Variants in C11orf71 observed in about 807,000 individuals in gnomAD.
C11orf71 encodes the protein uncharacterized protein C11orf71.
For missense variants in C11orf71, 179 were observed against 167.6 expected, an observed-to-expected ratio of 1.07 and a Z score of -0.38; for synonymous variants, 72 against 73.4, an observed-to-expected ratio of 0.98 and a Z score of 0.09.
At chr11:114,395,112 T>C (rs138627393), downstream of C11orf71, among the ~76,000 whole-genome samples, 13 of 152,192 alleles carry the variant, frequency 8.5e-5, no homozygotes, top group African/African-American at 3.1e-4. Context: ...AATTTAGACA[T>C]GTTGCCTACC....
At chr11:114,392,547 A>AAAAAAAAAG (rs1555023952) in intron 1 of C11orf71, among the ~76,000 whole-genome samples, 5 of 145,110 alleles carry the variant, frequency 3.4e-5, no homozygotes, top group Non-Finnish European at 3.0e-5. Flanking sequence ...AAAAAAAAAA[A>AAAAAAAAAG]AAAGAAGAAG....
At position 114,391,592 on chromosome 11, in the gene C11orf71, T is replaced by C. The variant is rs1267112179; in HGVS notation, c.417A>G (p.Ser139=). 2.0e-6 allele frequency: 3 copies of C among 1,534,010 alleles called. No individual in the cohort carries two copies. In the South Asian group the frequency reaches 3.8e-5, roughly 19 times the overall value. ...ATATTACTAAAATTTCAAAAATATT[T>C]GAATGGCTGCATGTTGAACACCATC... The change falls in exon 2 of 2, where the codon TCA becomes TCG. Residue 139 remains serine (S), a synonymous_variant. Coordinates refer to the C11orf71 transcript ENST00000325636.
downstream of C11orf71, among the ~76,000 whole-genome samples, chr11:114,394,269 T>C (rs1264492782): frequency 6.2e-3 from 466 of 75,320 alleles, 25 homozygotes; most frequent in African/African-American, 0.036. Context: ...TTTCTTTTCT[T>C]TTCTTTTCTT....
At chr11:114,394,269 T>TTTC (rs1343654260), downstream of C11orf71, among the ~76,000 whole-genome samples, 1,961 of 75,176 alleles carry the variant, frequency 0.026, 113 homozygotes, top group Non-Finnish European at 0.033. Context: ...TTTCTTTTCT[T>TTTC]TTCTTTTCTT....
In C11orf71 at chr11:114,400,282, A is replaced by C; in HGVS notation, c.50T>G (p.Val17Gly). The C allele has an allele frequency of 6.2e-7, 1 of 1,610,288 alleles. No homozygotes were observed. Among genetic ancestry groups the C allele is most frequent in the Non-Finnish European group, 8.5e-7 (1 of 1,178,384 alleles). The part of the protein sequence containing the change: ...SLSSGDQRSR[V>G]AYRSSHGDLR... ...GTCGCCATGGGAAGAGCGGTAGGCC[A>C]CCCTGCTCCTCTGATCACCGGAGGA... is the stretch of plus-strand genomic sequence containing the variant. The change falls in exon 1 of 1, where the codon GTG (valine) becomes GGG (glycine). Residue 17 changes from valine (V) to glycine (G), a missense_variant. Physicochemically the swap from Val to Gly is moderately radical, Grantham distance 109. Transcript: ENST00000623205.
In C11orf71 at chr11:114,400,387, C is replaced by T. The variant is rs1946177902; in HGVS notation, c.-56G>A. ...CGTCCCTTTGTGAAGGCAGGCCCTT[C>T]GCGGCTCCCCAGATCAGTCCAGCCT... On this transcript the variant is annotated 5_prime_UTR_variant, in exon 1 of 1. Coordinates refer to ENST00000623205, the MANE Select transcript of C11orf71 (RefSeq NM_001271562.2). 5 of 1,527,550 alleles carry T rather than the reference C, an allele frequency of 3.3e-6. No homozygotes were observed. Among genetic ancestry groups the T allele is most frequent in the Middle Eastern group, 2.0e-4 (1 of 4,886 alleles). The allele number at this position is 1,527,550 out of a possible 1,614,324, so 94.6% of individuals were successfully genotyped here.
At chr11:114,394,724 T>A (rs1384601776), downstream of C11orf71, among the ~76,000 whole-genome samples, 2 of 152,120 alleles carry the variant, frequency 1.3e-5, no homozygotes, top group East Asian at 1.9e-4. Flanking sequence ...TGACTTTTTT[T>A]AATCCATCAT....
At chr11:114,395,207 T>TG (rs1555024350), downstream of C11orf71, among the ~76,000 whole-genome samples, 3 of 149,340 alleles carry the variant, frequency 2.0e-5, no homozygotes, top group Non-Finnish European at 4.4e-5. Flanking sequence ...CCCAAATACT[T>TG]GAACACAGAG....
chr11:114,395,233 T>C (rs1345465502), downstream of C11orf71, among the ~76,000 whole-genome samples: 1 of 152,226 alleles, frequency 6.6e-6, no homozygotes, highest in African/African-American at 2.4e-5. Flanking sequence ...AGGTGCCCTC[T>C]GCCTTCCCAG....
intron 1 of C11orf71, among the ~76,000 whole-genome samples, chr11:114,392,656 A>C (rs1946082324): frequency 6.6e-6 from 1 of 151,700 alleles, no homozygotes. Flanking sequence ...GCCTGAGCCC[A>C]AAAAGCCAAG....
intron 1 of C11orf71, among the ~76,000 whole-genome samples, chr11:114,393,386 T>C (rs1357945774): frequency 6.6e-6 from 1 of 152,232 alleles, no homozygotes; most frequent in Non-Finnish European, 1.5e-5. Context: ...AACTCTGCAA[T>C]TGAGGAGCTT....
At position 114,400,477 on chromosome 11, in the gene C11orf71, G is replaced by T. The variant is rs969814596; in HGVS notation, c.-146C>A. On this transcript the variant is annotated 5_prime_UTR_variant, in exon 1 of 1. Transcript: ENST00000623205. ...TGAGCCTGCGGAAGAGCCAGAAGCC[G>T]CCTTGCCTTTAACGAGGGGTATCCT... The T allele has an allele frequency of 3.8e-6, 5 of 1,300,392 alleles. No individual in the cohort carries two copies. The highest frequency in any genetic ancestry group is 5.2e-6 in the Non-Finnish European group (5 of 962,356). The allele number at this position is 1,300,392 out of a possible 1,614,324, so 80.6% of individuals were successfully genotyped here.
rs983104177 is a variant in C11orf71 at position 114,399,074 on chromosome 11, C to A, written c.*886G>T. On this transcript the variant is annotated 3_prime_UTR_variant, in exon 1 of 1. Coordinates refer to ENST00000623205, the MANE Select transcript of C11orf71 (RefSeq NM_001271562.2). ...GATGAAAAAAAAAAAAAAAAAGTCA[C>A]TGCAACCAGTACTTATGTTTATTAC... 4 of 149,086 alleles carry A rather than the reference C, an allele frequency of 2.7e-5. No individual in the cohort carries two copies. Among genetic ancestry groups the A allele is most frequent in the Admixed American group, 1.3e-4 (2 of 14,978 alleles). 9.2% of individuals were successfully genotyped at this position (149,086 alleles called of 1,614,324 possible).
chr11:114,398,213 A>T (rs928716521), downstream of C11orf71, among the ~76,000 whole-genome samples: 1 of 152,172 alleles, frequency 6.6e-6, no homozygotes, highest in African/African-American at 2.4e-5. Context: ...TTCCTTTCTC[A>T]ACCACGGGTT....
chr11:114,400,378 C>T lies in C11orf71; in HGVS notation c.-47G>A. On this transcript the variant is annotated 5_prime_UTR_variant, in exon 1 of 1. Coordinates refer to ENST00000623205, the MANE Select transcript of C11orf71 (RefSeq NM_001271562.2). The stretch of plus-strand genomic sequence containing the variant: ...CTTGCGTTACGTCCCTTTGTGAAGG[C>T]AGGCCCTTCGCGGCTCCCCAGATCA... 1 of 1,541,410 alleles carries T rather than the reference C, an allele frequency of 6.5e-7. No individual in the cohort carries two copies.
exon 2 of C11orf71, chr11:114,391,632 G>C: frequency 1.3e-6 from 2 of 1,534,764 alleles, no homozygotes. Context: ...ATCAGGGGTT[G>C]CAGACTCAGA....
intron 1 of C11orf71, among the ~76,000 whole-genome samples, chr11:114,392,797 T>A (rs34645243): frequency 0.043 from 6,504 of 151,002 alleles, 196 homozygotes; most frequent in Non-Finnish European, 0.07. Context: ...AAAAATCCTG[T>A]TAGCCACAGA....
At chr11:114,392,035 A>G (rs1198661119) in intron 1 of C11orf71, among the ~76,000 whole-genome samples, 2 of 152,152 alleles carry the variant, frequency 1.3e-5, no homozygotes, top group African/African-American at 4.8e-5. Context: ...GGTGTTTAAC[A>G]TGTGGAGCAA....
At position 114,400,302 on chromosome 11, in the gene C11orf71, G is replaced by C; in HGVS notation, c.30C>G (p.Ser10=). The C allele has an allele frequency of 6.2e-7, 1 of 1,609,282 alleles. No individual in the cohort carries two copies. Among genetic ancestry groups the C allele is most frequent in the Non-Finnish European group, 8.5e-7 (1 of 1,177,896 alleles). The change falls in exon 1 of 1, where the codon TCC becomes TCG. Residue 10 remains serine, a synonymous_variant. Coordinates refer to ENST00000623205, the MANE Select transcript of C11orf71 (RefSeq NM_001271562.2). The part of the protein sequence containing the change: MALNNVSLS[S]GDQRSRVAYR... ...AGGCCACCCTGCTCCTCTGATCACC[G>C]GAGGACAGGGACACATTGTTCAGGG...
Sources: allele counts gnomAD v4.1 joint callset (sites outside exome capture counted in the v4.1 genomes callset), GRCh38; gene constraint gnomAD v4.1.1; transcripts MANE v1.5; gene names NCBI Gene and HGNC (gene_info 2026-07-23, HGNC 2026-07-21).